The following GPHN variants were observed in gnomAD, a reference collection of about 807,000 sequenced individuals.
GPHN encodes the protein gephyrin.
A neutral mutation model predicts 95.5 loss-of-function variants in GPHN; 17 were observed. That is an observed-to-expected ratio of 0.18 (90% CI 0.12 to 0.27). The LOEUF (loss-of-function observed/expected upper bound fraction) is 0.27. Ranked by LOEUF, GPHN falls within the 10% of genes least tolerant of loss-of-function variation. The pLI is 1.00. For missense variants in GPHN, 660 were observed against 978.1 expected (o/e 0.67, Z 4.34); for synonymous variants, 320 against 322.5 (o/e 0.99, Z 0.08).
intron 1 of GPHN, among the ~76,000 whole-genome samples, chr14:66,545,612 A>C (rs1318291176): frequency 4.8e-5 from 4 of 83,130 alleles, no homozygotes; most frequent in African/African-American, 5.7e-5. Flanking sequence ...CGGGGGGCTG[A>C]CCCCCCCACC....
intron 2 of GPHN, among the ~76,000 whole-genome samples, chr14:66,754,753 C>CCTTTTGA (rs2058497617): frequency 6.6e-6 from 1 of 151,868 alleles, no homozygotes; most frequent in Non-Finnish European, 1.5e-5. Context: ...ATTAAAATAG[C>CCTTTTGA]CTTTTGACTT....
At chr14:66,955,892 T>C (rs1329763263) in intron 8 of GPHN, among the ~76,000 whole-genome samples, 2 of 152,204 alleles carry the variant, frequency 1.3e-5, no homozygotes, top group Non-Finnish European at 2.9e-5. Flanking sequence ...ACTCATCCTT[T>C]TTTTATGGCT....
At chr14:67,709,679 GT>G in the GPHN span, among the ~76,000 whole-genome samples, 1 of 152,186 alleles carries the variant, frequency 6.6e-6, no homozygotes, top group Non-Finnish European at 1.5e-5. Flanking sequence ...CAGGAATACA[GT>G]TTATTTTGAT....
At chr14:67,541,712 G>C in the GPHN span, 2 of 623,032 alleles carry the variant, frequency 3.2e-6, no homozygotes, top group Non-Finnish European at 5.2e-6. Flanking sequence ...CTCTTCCCCA[G>C]CCCTGTTTTC....
chr14:67,391,268 GATATGTGTGT>G, the GPHN span, among the ~76,000 whole-genome samples: 48 of 141,486 alleles, frequency 3.4e-4, no homozygotes, highest in African/African-American at 1.3e-3. Context: ...GTAAGCAGCT[GATATGTGTGT>G]GTGTGTGTGT....
chr14:67,449,975 T>A, the GPHN span: 1 of 152,752 alleles, frequency 6.5e-6, no homozygotes, highest in Non-Finnish European at 1.5e-5. Flanking sequence ...GGCAGGAGAA[T>A]TGCTTGAACC....
At chr14:66,913,445 G>A (rs183092585) in intron 5 of GPHN, among the ~76,000 whole-genome samples, 55 of 152,160 alleles carry the variant, frequency 3.6e-4, no homozygotes, top group Admixed American at 1.4e-3. Context: ...AGATTCAAGC[G>A]ATTCTTCTGC....
In GPHN at chr14:66,858,865, C is replaced by A. The variant is rs369280762; in HGVS notation, c.295-21074C>A. On this transcript the variant is annotated intron_variant, in intron 4 of 22. Transcript: ENST00000478722. ...AAAGGAAACATCAGTGTTAGCCTGA[C>A]AGTACTCCCCTTGGGTCTGTTGTGG... 3.9e-5 allele frequency among the ~76,000 whole-genome samples: 6 copies of A among 152,196 alleles called. No homozygotes were observed. The East Asian group carries it at 9.7e-4, about 25-fold the overall frequency.
At chr14:66,900,382 A>C (rs1371853297) in intron 5 of GPHN, among the ~76,000 whole-genome samples, 1 of 151,750 alleles carries the variant, frequency 6.6e-6, no homozygotes, top group South Asian at 2.1e-4. Flanking sequence ...GGTGCATTCC[A>C]TGAATTTGAT....
At chr14:67,075,508 A>G (rs2076461628) in intron 11 of GPHN, among the ~76,000 whole-genome samples, 1 of 152,214 alleles carries the variant, frequency 6.6e-6, no homozygotes, top group Non-Finnish European at 1.5e-5. Context: ...CATACATTTT[A>G]TAAGGCTATA....
intron 21 of GPHN, among the ~76,000 whole-genome samples, chr14:67,172,255 C>G (rs1001199017): frequency 1.3e-5 from 2 of 152,090 alleles, no homozygotes; most frequent in Non-Finnish European, 2.9e-5. Context: ...AGCCCGCCGC[C>G]CGCCGCATCC....
rs146505773 is a variant in GPHN, at chr14:67,115,982, G to A, written c.1626+2811G>A. On this transcript the variant is annotated intron_variant, in intron 16 of 22. Coordinates refer to ENST00000478722, the MANE Select transcript of GPHN (RefSeq NM_020806.5). ...CATGGAATAGCTGATTTCTGTATTC[G>A]TTGATTTCAACAAACTGTGCATATT... 1.4e-4 allele frequency among the ~76,000 whole-genome samples: 21 copies of A among 152,172 alleles called. No homozygotes were observed. The East Asian group carries it at 2.3e-3, about 17-fold the overall frequency.
the GPHN span, among the ~76,000 whole-genome samples, chr14:67,713,253 C>T: frequency 2.0e-5 from 3 of 147,540 alleles, no homozygotes; most frequent in Admixed American, 2.0e-4. Flanking sequence ...AACAAACAAA[C>T]AAACAAACAA....
the GPHN span, among the ~76,000 whole-genome samples, chr14:67,366,078 G>A: frequency 1.3e-5 from 2 of 149,462 alleles, no homozygotes; most frequent in African/African-American, 2.5e-5. Context: ...GTCTAATCTT[G>A]TACTTTTTTT....
At chr14:66,729,241 G>A (rs999961940) in intron 2 of GPHN, among the ~76,000 whole-genome samples, 12 of 152,028 alleles carry the variant, frequency 7.9e-5, no homozygotes, top group Non-Finnish European at 1.6e-4. Flanking sequence ...TATCAGCAGC[G>A]TGAAAATGGA....
At chr14:67,554,207 C>G in the GPHN span, among the ~76,000 whole-genome samples, 1 of 152,314 alleles carries the variant, frequency 6.6e-6, no homozygotes, top group Admixed American at 6.5e-5. Context: ...TGTAACTTTC[C>G]TCTCACTGTC....
chr14:66,962,374 G>A (rs1342776988), intron 8 of GPHN, among the ~76,000 whole-genome samples: 3 of 150,428 alleles, frequency 2.0e-5, no homozygotes, highest in African/African-American at 7.3e-5. Context: ...ATTTGTTCTA[G>A]ACTATGTAAT....
At chr14:67,695,808 A>T in the GPHN span, 62 of 1,066,716 alleles carry the variant, frequency 5.8e-5, no homozygotes, top group Non-Finnish European at 7.6e-5. Context: ...CAGCCCGGGG[A>T]GCAGACCTTC....
intron 1 of GPHN, among the ~76,000 whole-genome samples, chr14:66,651,756 C>T (rs763962108): frequency 1.2e-4 from 19 of 152,128 alleles, no homozygotes; most frequent in Admixed American, 3.9e-4. Flanking sequence ...GGGTTTCCTG[C>T]AGTGACAGCA....
Sources: allele counts gnomAD v4.1 joint callset (sites outside exome capture counted in the v4.1 genomes callset), GRCh38; gene constraint gnomAD v4.1.1; transcripts MANE v1.5; gene names NCBI Gene and HGNC (gene_info 2026-07-23, HGNC 2026-07-21).